Variants in FBXL7 observed in about 807,000 individuals in gnomAD.
FBXL7 encodes the protein F-box and leucine rich repeat protein 7.
In FBXL7, 12 loss-of-function variants were observed where a neutral mutation model predicts 38.3. The observed-to-expected ratio is 0.31, with a 90% CI of 0.20 to 0.51. The LOEUF is 0.51. FBXL7 is among the 20% of genes least tolerant of loss of function. FBXL7 has a pLI of 0.98. For missense variants in FBXL7, 567 were observed against 676.4 expected, an observed-to-expected ratio of 0.84 and a Z score of 1.79; for synonymous variants, 297 against 300.9, an observed-to-expected ratio of 0.99 and a Z score of 0.13.
intron 1 of FBXL7, among the ~76,000 whole-genome samples, chr5:15,539,819 ACT>A (rs1419830281): frequency 6.6e-6 from 1 of 150,812 alleles, no homozygotes; most frequent in African/African-American, 2.4e-5. Flanking sequence ...TCTTCTAAAA[ACT>A]CTTTTTAAAA....
At chr5:15,529,080 C>G (rs1737339932) in intron 1 of FBXL7, among the ~76,000 whole-genome samples, 1 of 152,200 alleles carries the variant, frequency 6.6e-6, no homozygotes, top group African/African-American at 2.4e-5. Flanking sequence ...CCCGATCCTT[C>G]TACCCCCGGC....
At chr5:15,542,552 C>G (rs144089531) in intron 1 of FBXL7, among the ~76,000 whole-genome samples, 1,618 of 152,294 alleles carry the variant, frequency 0.011, 18 homozygotes, top group Non-Finnish European at 0.018. Context: ...TTCATACGAT[C>G]TTCTGTACAT....
intron 1 of FBXL7, among the ~76,000 whole-genome samples, chr5:15,578,873 T>A (rs1271143108): frequency 6.6e-6 from 1 of 152,240 alleles, no homozygotes; most frequent in Admixed American, 6.5e-5. Context: ...TGTTTATATA[T>A]GGTTTTGTCA....
intron 2 of FBXL7, among the ~76,000 whole-genome samples, chr5:15,618,431 T>C (rs556921630): frequency 1.3e-3 from 204 of 152,312 alleles, no homozygotes; most frequent in African/African-American, 4.4e-3. Context: ...TTTTAATCAA[T>C]TAAAACAAAA....
chr5:15,693,179 G>A (rs1179503070), intron 2 of FBXL7, among the ~76,000 whole-genome samples: 1 of 152,144 alleles, frequency 6.6e-6, no homozygotes, highest in Admixed American at 6.5e-5. Context: ...ACTTTGGCAA[G>A]TGACTTGGGC....
chr5:15,889,962 C>G (rs942259021), intron 2 of FBXL7, among the ~76,000 whole-genome samples: 2 of 152,080 alleles, frequency 1.3e-5, no homozygotes, highest in African/African-American at 4.8e-5. Flanking sequence ...AGGAGGTGGA[C>G]CATTCCTAAC....
chr5:15,841,855 T>C (rs1738754134), intron 2 of FBXL7, among the ~76,000 whole-genome samples: 1 of 152,210 alleles, frequency 6.6e-6, no homozygotes, highest in Non-Finnish European at 1.5e-5. Flanking sequence ...ATATCAAGAA[T>C]TGAGGTTTGG....
intron 2 of FBXL7, among the ~76,000 whole-genome samples, chr5:15,897,954 G>C (rs1741144137): frequency 6.6e-6 from 1 of 152,182 alleles, no homozygotes; most frequent in African/African-American, 2.4e-5. Context: ...ATGTCACTGT[G>C]ACTCCTACAA....
intron 1 of FBXL7, among the ~76,000 whole-genome samples, chr5:15,576,192 C>T (rs1738962898): frequency 6.8e-6 from 1 of 148,124 alleles, no homozygotes; most frequent in Non-Finnish European, 1.5e-5. Context: ...AAGCAATTCT[C>T]CTGCCTCAGC....
At chr5:15,901,379 A>G (rs375643635) in intron 2 of FBXL7, among the ~76,000 whole-genome samples, 5 of 152,290 alleles carry the variant, frequency 3.3e-5, no homozygotes, top group South Asian at 2.1e-4. Context: ...TCCATTCATG[A>G]AGGTTCTGCC....
intron 2 of FBXL7, among the ~76,000 whole-genome samples, chr5:15,884,609 C>A (rs1254486476): frequency 6.6e-6 from 1 of 152,034 alleles, no homozygotes; most frequent in African/African-American, 2.4e-5. Flanking sequence ...ACATTCAGTT[C>A]ATAATAGAGG....
intron 2 of FBXL7, among the ~76,000 whole-genome samples, chr5:15,808,741 C>T (rs913662814): frequency 1.3e-5 from 2 of 152,198 alleles, no homozygotes; most frequent in Non-Finnish European, 2.9e-5. Context: ...GGCTTGCACA[C>T]TGCTAGACTG....
chr5:15,576,408 A>C (rs1238661360), intron 1 of FBXL7, among the ~76,000 whole-genome samples: 2 of 152,126 alleles, frequency 1.3e-5, no homozygotes, highest in Non-Finnish European at 2.9e-5. Flanking sequence ...TAATGTATCT[A>C]TTTTAGCATT....
chr5:15,872,855 A>G (rs1416515081), intron 2 of FBXL7, among the ~76,000 whole-genome samples: 2 of 152,304 alleles, frequency 1.3e-5, no homozygotes, highest in East Asian at 3.9e-4. Flanking sequence ...CCCCACTATC[A>G]ATATTAGACA....
At chr5:15,826,875 T>G (rs914046092) in intron 2 of FBXL7, among the ~76,000 whole-genome samples, 1 of 151,296 alleles carries the variant, frequency 6.6e-6, no homozygotes, top group Non-Finnish European at 1.5e-5. Flanking sequence ...CGTAGTCTCC[T>G]GACATTGCAC....
chr5:15,763,956 T>G (rs1169805547), intron 2 of FBXL7, among the ~76,000 whole-genome samples: 1 of 152,186 alleles, frequency 6.6e-6, no homozygotes, highest in Non-Finnish European at 1.5e-5. Flanking sequence ...GGGGAGCAGA[T>G]GGCATAACTT....
rs1741357598 is a variant in FBXL7, at chr5:15,906,229, C to T, written c.128-21661C>T. 2.6e-5 allele frequency among the ~76,000 whole-genome samples: 4 copies of T among 151,574 alleles called. No homozygotes were observed. The South Asian group carries it at 8.3e-4, about 32-fold the overall frequency. ...GAGGAGCTTTACACATTGGTCAATG[C>T]TATGTTATATAGTTACATTTAAATT... On this transcript the variant is annotated intron_variant, in intron 2 of 3. Transcript: ENST00000504595.
chr5:15,653,807 T>C (rs1422677231), intron 2 of FBXL7, among the ~76,000 whole-genome samples: 3 of 152,222 alleles, frequency 2.0e-5, no homozygotes, highest in Admixed American at 1.3e-4. Flanking sequence ...CCTCACTGCA[T>C]TTATCTACAG....
intron 2 of FBXL7, among the ~76,000 whole-genome samples, chr5:15,835,841 T>C (rs1012256428): frequency 2.6e-5 from 4 of 152,182 alleles, no homozygotes; most frequent in Admixed American, 2.6e-4. Flanking sequence ...TCTGTTAAGT[T>C]GTAGTCCTTT....
Sources: allele counts gnomAD v4.1 joint callset (sites outside exome capture counted in the v4.1 genomes callset), GRCh38; gene constraint gnomAD v4.1.1; transcripts MANE v1.5; gene names NCBI Gene and HGNC (gene_info 2026-07-23, HGNC 2026-07-21).